The following ABL1 variants were observed in gnomAD, a reference collection of about 807,000 sequenced individuals.
ABL1 encodes the protein ABL proto-oncogene 1, non-receptor tyrosine kinase, also known as tyrosine-protein kinase ABL1.
A neutral mutation model predicts 94.7 loss-of-function variants in ABL1; 11 were observed. The ratio of observed to expected loss-of-function variants is 0.12; its 90% CI spans 0.07 to 0.19. The LOEUF is 0.19. Among genes scored for constraint, ABL1 ranks in the 10% least tolerant of loss-of-function variants. The pLI is 1.00. For synonymous variants in ABL1, 656 were observed against 622.4 expected (o/e 1.05, Z -0.80); for missense variants, 1,082 against 1,489.4 (o/e 0.73, Z 4.50).
At chr9:130,834,167 A>G, upstream of ABL1, 2 of 446,410 alleles carry the variant, frequency 4.5e-6, no homozygotes, top group South Asian at 1.6e-5. Flanking sequence ...CAGAATCATT[A>G]CGCAGATGCA....
chr9:130,783,391 G>T (rs1829782985), intron 1 of ABL1, among the ~76,000 whole-genome samples: 1 of 152,204 alleles, frequency 6.6e-6, no homozygotes, highest in African/African-American at 2.4e-5. Flanking sequence ...TTTAGGGAGT[G>T]CATCCTTTGC....
chr9:130,850,259 CT>C (rs1314374867), intron 1 of ABL1, among the ~76,000 whole-genome samples: 1 of 152,152 alleles, frequency 6.6e-6, no homozygotes, highest in Admixed American at 6.5e-5. Flanking sequence ...AAGATGAATG[CT>C]TTAGAAAGAC....
chr9:130,875,073 G>T, intron 7 of ABL1, 21 bp downstream of exon 7: 1 of 1,612,582 alleles, frequency 6.2e-7, no homozygotes, highest in Non-Finnish European at 8.5e-7. Flanking sequence ...CTGCTGCACT[G>T]AAGTGGTCCT....
intron 1 of ABL1, among the ~76,000 whole-genome samples, chr9:130,732,191 A>AC (rs1831674870): frequency 6.6e-6 from 1 of 152,194 alleles, no homozygotes; most frequent in African/African-American, 2.4e-5. Context: ...TTGAACAAGT[A>AC]CTAAGTGCCT....
At chr9:130,857,911 T>G (rs556677754) in intron 3 of ABL1, among the ~76,000 whole-genome samples, 1 of 152,238 alleles carries the variant, frequency 6.6e-6, no homozygotes, top group South Asian at 2.1e-4. Context: ...AGCTGCGTTC[T>G]TCCATTCTGA....
intron 1 of ABL1, among the ~76,000 whole-genome samples, chr9:130,807,288 G>GC (rs1588246135): frequency 6.6e-6 from 1 of 151,972 alleles, no homozygotes; most frequent in East Asian, 1.9e-4. Context: ...TCACTCTGTT[G>GC]ACCAGGCTAG....
chr9:130,721,821 TG>T (rs1295570544), intron 1 of ABL1, among the ~76,000 whole-genome samples: 2,365 of 92,388 alleles, frequency 0.026, 26 homozygotes, highest in African/African-American at 0.045. Context: ...GGTTTTTTTT[TG>T]TTTTTTTTTT....
chr9:130,733,219 C>A (rs934568751), intron 1 of ABL1, among the ~76,000 whole-genome samples: 5 of 151,998 alleles, frequency 3.3e-5, no homozygotes, highest in African/African-American at 1.2e-4. Context: ...TGAGTTTTGG[C>A]GTGTTCACTT....
rs150959379 is a variant in ABL1 at position 130,756,594 on chromosome 9, G to T, written c.136+42139G>T. On this transcript the variant is annotated intron_variant, in intron 1 of 10. Transcript: ENST00000372348. ...GATTCTGCTCACTGTGTTTAAGGCA[G>T]CTCGATAGCATTTTGCCAAAAAAGA... Among the ~76,000 whole-genome samples the T allele has an allele frequency of 3.2e-4, 49 of 152,256 alleles. 1 individual carries two copies. The highest frequency in any genetic ancestry group is 1.2e-3 in the African/African-American group (49 of 41,550).
At chr9:130,751,228 G>A (rs1831962771) in intron 1 of ABL1, among the ~76,000 whole-genome samples, 1 of 124,692 alleles carries the variant, frequency 8.0e-6, no homozygotes, top group African/African-American at 3.1e-5. Flanking sequence ...TGCAACCTCT[G>A]CCTCCCCGGT....
At chr9:130,784,992 C>T (rs1829807622) in intron 1 of ABL1, among the ~76,000 whole-genome samples, 1 of 152,238 alleles carries the variant, frequency 6.6e-6, no homozygotes, top group African/African-American at 2.4e-5. Flanking sequence ...TTCCCTTCAA[C>T]CTGACGACCA....
intron 1 of ABL1, among the ~76,000 whole-genome samples, chr9:130,772,298 A>T (rs1455499471): frequency 6.6e-6 from 1 of 152,198 alleles, no homozygotes; most frequent in Non-Finnish European, 1.5e-5. Context: ...AAGGATTTTC[A>T]TCCTTCATAT....
chr9:130,846,469 A>G (rs1275523897), intron 1 of ABL1, among the ~76,000 whole-genome samples: 1 of 152,232 alleles, frequency 6.6e-6, no homozygotes, highest in African/African-American at 2.4e-5. Flanking sequence ...AAATAATTGA[A>G]TGTGAGCAAA....
chr9:130,820,946 T>A (rs936057417), intron 1 of ABL1, among the ~76,000 whole-genome samples: 1 of 152,084 alleles, frequency 6.6e-6, no homozygotes, highest in Admixed American at 6.5e-5. Context: ...TATTTTTTTT[T>A]CGAGACAGAG....
rs1831440839 is a variant in ABL1 at position 130,880,870 on chromosome 9, A to T, written c.1678+206A>T. ...CCCCTCCCTCTGAGAGTCCCCGAGG[A>T]GCATAGGCTCCAGCAGTGAGTTCAG... On this transcript the variant is annotated intron_variant, in intron 10 of 10. Transcript: ENST00000318560. The surrounding 1 kb of genome is among the most constrained non-coding windows in gnomAD (Gnocchi z 4.4). Among the ~76,000 whole-genome samples, 1 of 152,220 alleles carries T rather than the reference A, an allele frequency of 6.6e-6. No homozygotes were observed. Among genetic ancestry groups the T allele is most frequent in the African/African-American group, 2.4e-5 (1 of 41,456 alleles).
At chr9:130,796,589 G>A (rs925342565) in intron 1 of ABL1, among the ~76,000 whole-genome samples, 3 of 152,066 alleles carry the variant, frequency 2.0e-5, no homozygotes, top group African/African-American at 4.8e-5. Flanking sequence ...GGTCTAAGGT[G>A]TCTTAAACTT....
chr9:130,851,754 T>C (rs1830868028), intron 1 of ABL1, among the ~76,000 whole-genome samples: 1 of 148,852 alleles, frequency 6.7e-6, no homozygotes, highest in Non-Finnish European at 1.5e-5. Flanking sequence ...ATTAGAATTT[T>C]CCTCTCTTTT....
intron 1 of ABL1, among the ~76,000 whole-genome samples, chr9:130,789,903 C>T (rs918058024): frequency 7.9e-5 from 12 of 152,100 alleles, no homozygotes; most frequent in African/African-American, 2.9e-4. Context: ...ATGTAAACCA[C>T]GAGAGGCTCA....
intron 1 of ABL1, among the ~76,000 whole-genome samples, chr9:130,827,179 G>C (rs1830437723): frequency 6.6e-6 from 1 of 152,182 alleles, no homozygotes; most frequent in African/African-American, 2.4e-5. Context: ...TAGTGGAGTG[G>C]GCAAAGAGCA....
Sources: allele counts gnomAD v4.1 joint callset (sites outside exome capture counted in the v4.1 genomes callset), GRCh38; gene constraint gnomAD v4.1.1; non-coding constraint Gnocchi (gnomAD v3.1); transcripts MANE v1.5; gene names NCBI Gene and HGNC (gene_info 2026-07-23, HGNC 2026-07-21).